Variants in USP34 observed in about 807,000 individuals in gnomAD.
USP34 encodes the protein ubiquitin carboxyl-terminal hydrolase 34.
A neutral mutation model predicts 460.3 loss-of-function variants in USP34; 70 were observed. The observed-to-expected ratio is 0.15, with a 90% confidence interval of 0.13 to 0.19. The LOEUF is 0.19. Among genes scored for constraint, USP34 ranks in the 10% least tolerant of loss-of-function variants. USP34 has a pLI of 1.00. For missense variants in USP34, 3,985 were observed against 4,236.2 expected (o/e 0.94, Z 1.65); for synonymous variants, 1,647 against 1,405.3 (o/e 1.17, Z -3.85).
chr2:61,357,379 A>G (rs59512580), intron 10 of USP34, among the ~76,000 whole-genome samples: 1 of 152,240 alleles, frequency 6.6e-6, no homozygotes, highest in African/African-American at 2.4e-5. Context: ...AAATATTTAC[A>G]GATAAAATAC....
At chr2:61,420,401 C>T (rs1573023837) in intron 2 of USP34, among the ~76,000 whole-genome samples, 2 of 152,264 alleles carry the variant, frequency 1.3e-5, no homozygotes, top group African/African-American at 4.8e-5. Context: ...AAAGTATCCC[C>T]TACCACAATG....
At chr2:61,419,870 T>G (rs1403821284) in intron 2 of USP34, among the ~76,000 whole-genome samples, 1 of 152,144 alleles carries the variant, frequency 6.6e-6, no homozygotes, top group East Asian at 1.9e-4. Context: ...CTTACTGAAA[T>G]TCAGTGAGAC....
intron 1 of USP34, among the ~76,000 whole-genome samples, chr2:61,433,142 T>C (rs560903367): frequency 3.9e-5 from 6 of 152,196 alleles, no homozygotes; most frequent in East Asian, 1.9e-4. Flanking sequence ...CTGAGTGCAG[T>C]TGGGGAATGG....
intron 69 of USP34, among the ~76,000 whole-genome samples, chr2:61,211,492 C>T (rs185435524): frequency 6.6e-6 from 1 of 152,118 alleles, no homozygotes; most frequent in Non-Finnish European, 1.5e-5. Context: ...AACTATCAAG[C>T]CTGAGTTAGG....
rs1461137166 is a variant in USP34, at chr2:61,439,707, G to A, written c.44-18874C>T. Among the ~76,000 whole-genome samples, 3 of 152,300 alleles carry A rather than the reference G, an allele frequency of 2.0e-5. No individual in the cohort carries two copies. The South Asian group carries it at 6.2e-4, about 32-fold the overall frequency. On this transcript the variant is annotated intron_variant, in intron 1 of 79. Transcript: ENST00000398571. ...ACCTTGGCATGTTTCTAAGAGAACAGACTTGCTGACCTGTGACCCTTGCCT... is the reference window on the plus strand; with the variant it reads ...ACCTTGGCATGTTTCTAAGAGAACAAACTTGCTGACCTGTGACCCTTGCCT...
intron 10 of USP34, among the ~76,000 whole-genome samples, chr2:61,358,098 A>T (rs999468208): frequency 6.6e-6 from 1 of 152,164 alleles, no homozygotes; most frequent in Non-Finnish European, 1.5e-5. Context: ...AGGCTGAGAC[A>T]GGAGAATCAC....
In USP34 at chr2:61,260,467, T is replaced by G. The variant is rs1044566879; in HGVS notation, c.5779-691A>C. Among the ~76,000 whole-genome samples, 11 of 152,184 alleles carry G rather than the reference T, an allele frequency of 7.2e-5. No individual in the cohort carries two copies. In the East Asian group the frequency reaches 2.1e-3, roughly 29 times the overall value. ...TTACCTCTCATAACTTTGAAAGTCT[T>G]GTGGAATAATAGGCGTCCACAAGCT... On this transcript the variant is annotated intron_variant, in intron 43 of 79. Transcript: ENST00000398571.
At chr2:61,252,156 G>A (rs1025539142) in intron 48 of USP34, among the ~76,000 whole-genome samples, 2 of 152,240 alleles carry the variant, frequency 1.3e-5, no homozygotes, top group Non-Finnish European at 1.5e-5. Flanking sequence ...TTGGTTCAGA[G>A]TTTTCCTTTC....
intron 37 of USP34, among the ~76,000 whole-genome samples, chr2:61,282,115 G>A (rs1486116116): frequency 2.0e-5 from 3 of 151,938 alleles, no homozygotes; most frequent in African/African-American, 4.8e-5. Context: ...TCAGCCTCCC[G>A]AGTAACTGAG....
At chr2:61,257,896 A>G (rs187120673) in intron 44 of USP34, among the ~76,000 whole-genome samples, 1 of 152,078 alleles carries the variant, frequency 6.6e-6, no homozygotes, top group East Asian at 1.9e-4. Context: ...CAAAACAAAC[A>G]AAAAAAACAC....
chr2:61,200,681 A>G (rs1266805412), intron 75 of USP34: 1 of 152,272 alleles, frequency 6.6e-6, no homozygotes, highest in African/African-American at 2.4e-5. Flanking sequence ...ATGATTAAAG[A>G]TATAACCAAT....
In USP34 at chr2:61,238,115, C is replaced by T. The variant is rs937600745; in HGVS notation, c.6778-1726G>A. Among the ~76,000 whole-genome samples the T allele has an allele frequency of 2.6e-5, 4 of 151,878 alleles. No individual in the cohort carries two copies. In the East Asian group the frequency reaches 7.8e-4, roughly 29 times the overall value. ...TTCATCATGTTGGCCAGGCTGGTCTCGAACTGCTGACCTCAAGTGATCCAC... is the reference window on the plus strand; with the variant it reads ...TTCATCATGTTGGCCAGGCTGGTCTTGAACTGCTGACCTCAAGTGATCCAC... On this transcript the variant is annotated intron_variant, in intron 53 of 79. Transcript: ENST00000398571.
Position 61,188,243 on chromosome 2 carries a change from T to C in USP34, c.10500A>G (p.Leu3500=). 6.2e-7 allele frequency: 1 copy of C among 1,614,122 alleles called. No homozygotes were observed. Among genetic ancestry groups the C allele is most frequent in the East Asian group, 2.2e-5 (1 of 44,872 alleles). ...CTCTGGAATGGCCACAACTGAGAGA[T>C]AAAGCAACCTCAGGGTCCTGGGAGG... ...ALPSQDPEVA[L]SLSCGHSRGL... is the part of the protein sequence containing the mutation. The change falls in exon 80 of 80, where the codon TTA becomes TTG. Residue 3500 remains leucine, a synonymous_variant. Transcript: ENST00000398571.
intron 75 of USP34, chr2:61,194,003 TAA>T: frequency 1.8e-6 from 1 of 548,438 alleles, no homozygotes; most frequent in Non-Finnish European, 2.3e-6. Flanking sequence ...TATTCTATAT[TAA>T]AAAAAAATTT....
chr2:61,330,201 A>T (rs1232538805), intron 20 of USP34, among the ~76,000 whole-genome samples: 1 of 152,228 alleles, frequency 6.6e-6, no homozygotes, highest in Non-Finnish European at 1.5e-5. Context: ...CATATCATAT[A>T]GCTTCAGTAT....
intron 48 of USP34, among the ~76,000 whole-genome samples, chr2:61,252,850 G>A (rs2103886276): frequency 6.6e-6 from 1 of 152,278 alleles, no homozygotes; most frequent in African/African-American, 2.4e-5. Context: ...AGAAAGATTG[G>A]AGAACAGGTG....
At chr2:61,231,267 T>A (rs1278444358) in intron 58 of USP34, among the ~76,000 whole-genome samples, 1 of 151,676 alleles carries the variant, frequency 6.6e-6, no homozygotes, top group East Asian at 1.9e-4. Context: ...AGGAACTGAT[T>A]GCTAATGGGT....
At chr2:61,457,986 T>A (rs1695486609) in intron 1 of USP34, among the ~76,000 whole-genome samples, 1 of 152,192 alleles carries the variant, frequency 6.6e-6, no homozygotes, top group Non-Finnish European at 1.5e-5. Flanking sequence ...CTACCCTTGT[T>A]TTCCCTTCTA....
At chr2:61,413,679 AAAT>A (rs1187389140) in intron 2 of USP34, among the ~76,000 whole-genome samples, 2 of 134,570 alleles carry the variant, frequency 1.5e-5, no homozygotes, top group African/African-American at 5.7e-5. Flanking sequence ...AAAAAATAAA[AAAT>A]AAAAAAACAA....
Sources: gnomAD v4.1 joint callset for allele counts (sites outside exome capture counted in the v4.1 genomes callset) on GRCh38, gnomAD v4.1.1 for gene constraint, MANE v1.5 for transcripts, NCBI Gene and HGNC (gene_info 2026-07-23, HGNC 2026-07-21) for gene names.